Variants in CNTN5 observed in about 807,000 individuals in gnomAD.
CNTN5 encodes contactin 5.
A neutral mutation model predicts 129.1 loss-of-function variants in CNTN5; 77 were observed. That is an observed-to-expected ratio of 0.60 (90% CI 0.50 to 0.72). The LOEUF (loss-of-function observed/expected upper bound fraction) is 0.72, where lower values mean the gene tolerates loss of function less well. CNTN5 is among the 30% of genes least tolerant of loss of function. CNTN5 has a pLI of 0.00. For missense variants in CNTN5, 1,478 were observed against 1,328.8 expected (o/e 1.11, Z -1.75); for synonymous variants, 509 against 465.6 (o/e 1.09, Z -1.20).
intron 17 of CNTN5, among the ~76,000 whole-genome samples, chr11:100,258,919 T>C (rs1428697079): frequency 1.3e-5 from 2 of 152,184 alleles, no homozygotes; most frequent in Non-Finnish European, 2.9e-5. Flanking sequence ...AGCATCATAA[T>C]AACAGGATCA....
intron 3 of CNTN5, among the ~76,000 whole-genome samples, chr11:99,784,377 T>C (rs1271599886): frequency 6.6e-6 from 1 of 151,690 alleles, no homozygotes; most frequent in East Asian, 2.0e-4. Flanking sequence ...TCACCTCCCA[T>C]TTATGAGTGA....
intron 9 of CNTN5, among the ~76,000 whole-genome samples, chr11:100,026,005 A>G (rs901080098): frequency 6.6e-6 from 1 of 152,140 alleles, no homozygotes. Context: ...TGAAAGGGAT[A>G]TGAGATTTGT....
At chr11:99,777,247 C>A (rs1284352292) in intron 3 of CNTN5, among the ~76,000 whole-genome samples, 2 of 151,762 alleles carry the variant, frequency 1.3e-5, no homozygotes, top group African/African-American at 4.8e-5. Flanking sequence ...TCACATGTAT[C>A]TTTTAAAATA....
intron 3 of CNTN5, among the ~76,000 whole-genome samples, chr11:99,759,127 GAAGA>G (rs1944495810): frequency 6.6e-6 from 1 of 152,022 alleles, no homozygotes; most frequent in Admixed American, 6.6e-5. Context: ...CCATTATGCA[GAAGA>G]AAGAAGTAGA....
chr11:99,206,257 A>G (rs1303208445), intron 1 of CNTN5, among the ~76,000 whole-genome samples: 2 of 152,082 alleles, frequency 1.3e-5, no homozygotes, highest in African/African-American at 2.4e-5. Context: ...ACTTTGTACA[A>G]GTGGGTGGAA....
At chr11:100,308,018 C>CA (rs1018584050) in intron 20 of CNTN5, among the ~76,000 whole-genome samples, 9 of 150,994 alleles carry the variant, frequency 6.0e-5, no homozygotes, top group African/African-American at 7.3e-5. Context: ...AGTGCAACAA[C>CA]AAAAAAAAGC....
chr11:100,259,491 C>T (rs1950152536), intron 17 of CNTN5, among the ~76,000 whole-genome samples: 1 of 152,112 alleles, frequency 6.6e-6, no homozygotes. Context: ...AACAAATGTA[C>T]ATTTTTCTCA....
intron 2 of CNTN5, among the ~76,000 whole-genome samples, chr11:99,451,165 G>T (rs767228385): frequency 6.6e-6 from 1 of 152,024 alleles, no homozygotes; most frequent in Non-Finnish European, 1.5e-5. Context: ...TCAAGAGAAA[G>T]GATGGAAAAT....
intron 13 of CNTN5, among the ~76,000 whole-genome samples, chr11:100,094,368 A>G (rs984136879): frequency 1.3e-5 from 2 of 152,178 alleles, no homozygotes; most frequent in Non-Finnish European, 2.9e-5. Context: ...ACTTTAATCC[A>G]GTCCGTCTGC....
At chr11:99,172,013 G>A (rs1565375504) in intron 1 of CNTN5, among the ~76,000 whole-genome samples, 1 of 152,116 alleles carries the variant, frequency 6.6e-6, no homozygotes, top group Admixed American at 6.5e-5. Context: ...TTTGAAGCCA[G>A]AAACATAACC....
intron 3 of CNTN5, among the ~76,000 whole-genome samples, chr11:99,588,868 G>A (rs938159066): frequency 6.6e-6 from 1 of 152,144 alleles, no homozygotes; most frequent in Non-Finnish European, 1.5e-5. Flanking sequence ...TTTTTGTAAC[G>A]TGATTAGAGT....
intron 13 of CNTN5, among the ~76,000 whole-genome samples, chr11:100,157,686 G>GACAACTATGATACAGTCTT (rs1947301551): frequency 1.3e-5 from 2 of 151,702 alleles, no homozygotes; most frequent in African/African-American, 2.4e-5. Flanking sequence ...AGAATATGAA[G>GACAACTATGATACAGTCTT]ACAACTATGA....
chr11:99,569,065 T>C (rs1239827143), intron 3 of CNTN5, among the ~76,000 whole-genome samples: 1 of 152,156 alleles, frequency 6.6e-6, no homozygotes, highest in East Asian at 1.9e-4. Context: ...TAGGGTATGC[T>C]GGACCATCTG....
At chr11:99,847,341 T>C (rs889426814) in intron 6 of CNTN5, among the ~76,000 whole-genome samples, 1 of 152,236 alleles carries the variant, frequency 6.6e-6, no homozygotes, top group Non-Finnish European at 1.5e-5. Flanking sequence ...CGTTTACAAT[T>C]CAATGACCAG....
At chr11:99,354,356 G>A (rs1938499862) in intron 2 of CNTN5, among the ~76,000 whole-genome samples, 1 of 152,074 alleles carries the variant, frequency 6.6e-6, no homozygotes, top group Non-Finnish European at 1.5e-5. Flanking sequence ...CAGTGTAGTT[G>A]GTCATCAATT....
chr11:99,855,046 C>T (rs1947990773), intron 6 of CNTN5, among the ~76,000 whole-genome samples: 1 of 152,128 alleles, frequency 6.6e-6, no homozygotes, highest in Admixed American at 6.5e-5. Flanking sequence ...CTGTGGCTCA[C>T]ACCTCTAGTT....
chr11:99,964,741 C>T (rs550461758), intron 8 of CNTN5, among the ~76,000 whole-genome samples: 81 of 152,246 alleles, frequency 5.3e-4, no homozygotes, highest in Non-Finnish European at 2.6e-4. Flanking sequence ...ATGGTACCAG[C>T]TCCTTCTTGT....
intron 13 of CNTN5, among the ~76,000 whole-genome samples, chr11:100,155,588 T>A (rs528836452): frequency 6.6e-6 from 1 of 152,230 alleles, no homozygotes; most frequent in Admixed American, 6.5e-5. Flanking sequence ...GGGATAGCAA[T>A]GAATCTATAA....
At chr11:99,352,759 A>T (rs910801047) in intron 2 of CNTN5, among the ~76,000 whole-genome samples, 4 of 152,140 alleles carry the variant, frequency 2.6e-5, no homozygotes, top group Admixed American at 1.3e-4. Flanking sequence ...GTGGGAGCTT[A>T]TATAACCTTG....
Sources: allele counts gnomAD v4.1 joint callset (sites outside exome capture counted in the v4.1 genomes callset), GRCh38; gene constraint gnomAD v4.1.1; transcripts MANE v1.5; gene names NCBI Gene and HGNC (gene_info 2026-07-23, HGNC 2026-07-21).